GNAQ: variants seen among roughly 807,000 people sequenced by gnomAD.
GNAQ encodes the protein guanine nucleotide-binding protein G(q) subunit alpha.
Under a neutral mutation model 43.9 loss-of-function variants are expected in GNAQ, and 8 were observed. That is an observed-to-expected ratio of 0.18 (90% confidence interval 0.11 to 0.33). The LOEUF (loss-of-function observed/expected upper bound fraction) is 0.33, where lower values mean the gene tolerates loss of function less well. GNAQ is among the 10% of genes least tolerant of loss of function. GNAQ has a pLI of 1.00. For missense variants in GNAQ, 158 were observed against 450.8 expected, an observed-to-expected ratio of 0.35 and a Z score of 5.88; for synonymous variants, 155 against 170.7, an observed-to-expected ratio of 0.91 and a Z score of 0.71.
chr9:77,970,235 AC>A (rs1429718907), intron 1 of GNAQ, among the ~76,000 whole-genome samples: 1 of 150,788 alleles, frequency 6.6e-6, no homozygotes, highest in Admixed American at 6.6e-5. Context: ...AAAAAAAAAA[AC>A]AAACAAACAA....
At chr9:77,807,390 C>T (rs948908057) in intron 3 of GNAQ, among the ~76,000 whole-genome samples, 1 of 152,188 alleles carries the variant, frequency 6.6e-6, no homozygotes, top group Non-Finnish European at 1.5e-5. Context: ...GAAACCCTCT[C>T]ATCAGCTGCA....
chr9:77,984,689 T>G (rs1040053805), intron 1 of GNAQ, among the ~76,000 whole-genome samples: 3 of 152,130 alleles, frequency 2.0e-5, no homozygotes, highest in Non-Finnish European at 4.4e-5. Context: ...AACCTGCAGT[T>G]TTAAGAGAAG....
chr9:77,957,563 G>A (rs974543170), intron 1 of GNAQ, among the ~76,000 whole-genome samples: 1 of 152,138 alleles, frequency 6.6e-6, no homozygotes, highest in African/African-American at 2.4e-5. Context: ...AGAAAAGCAA[G>A]GGGAATTTGC....
chr9:77,855,393 T>C (rs1264250416), intron 2 of GNAQ, among the ~76,000 whole-genome samples: 1 of 152,150 alleles, frequency 6.6e-6, no homozygotes, highest in East Asian at 1.9e-4. Flanking sequence ...AAAGAACCTG[T>C]GGCTTCCTGG....
rs553088570 is a variant in GNAQ, at chr9:77,967,306, A to C, written c.137-44961T>G. 6.6e-5 allele frequency among the ~76,000 whole-genome samples: 10 copies of C among 152,222 alleles called. No individual in the cohort carries two copies. In the East Asian group the frequency reaches 1.7e-3, roughly 26 times the overall value. ...CAACTGTGGCCACTCCGTGCTTTTA[A>C]CATTATAAAATCACCTGCACAACTA... On this transcript the variant is annotated intron_variant, in intron 1 of 6. Transcript: ENST00000286548.
At chr9:77,733,238 C>A (rs909814455) in intron 5 of GNAQ, among the ~76,000 whole-genome samples, 1 of 152,144 alleles carries the variant, frequency 6.6e-6, no homozygotes, top group Non-Finnish European at 1.5e-5. Flanking sequence ...CCTGTTTGAG[C>A]CATCAGCAAA....
intron 5 of GNAQ, among the ~76,000 whole-genome samples, chr9:77,744,591 GC>G (rs1329907889): frequency 2.6e-5 from 4 of 152,100 alleles, no homozygotes; most frequent in Non-Finnish European, 4.4e-5. Flanking sequence ...AAATCATTGG[GC>G]TAGCTTTCCA....
chr9:77,839,156 A>G (rs116221839), intron 2 of GNAQ, among the ~76,000 whole-genome samples: 1,871 of 152,232 alleles, frequency 0.012, 36 homozygotes, highest in African/African-American at 0.041. Context: ...GTGAACAGCA[A>G]TATGTTGTTA....
At chr9:78,004,796 GCA>G (rs1355753168) in intron 1 of GNAQ, among the ~76,000 whole-genome samples, 1 of 152,062 alleles carries the variant, frequency 6.6e-6, no homozygotes, top group Non-Finnish European at 1.5e-5. Flanking sequence ...GGTAGGATTT[GCA>G]CAGAGAGCGA....
intron 2 of GNAQ, among the ~76,000 whole-genome samples, chr9:77,909,694 AAAAC>A (rs1377896439): frequency 3.7e-4 from 56 of 152,234 alleles, no homozygotes; most frequent in Admixed American, 1.4e-3. Context: ...AAAAAAAAAA[AAAAC>A]AACAACTGCA....
intron 1 of GNAQ, among the ~76,000 whole-genome samples, chr9:77,939,339 T>C (rs1829281551): frequency 6.6e-6 from 1 of 152,238 alleles, no homozygotes; most frequent in Admixed American, 6.5e-5. Flanking sequence ...GCCTTCAGTT[T>C]GATAAGAAAA....
At chr9:78,001,164 G>A (rs1823639171) in intron 1 of GNAQ, among the ~76,000 whole-genome samples, 1 of 152,090 alleles carries the variant, frequency 6.6e-6, no homozygotes, top group Admixed American at 6.6e-5. Flanking sequence ...CTGGGAGGTC[G>A]AGGCAGGCAG....
chr9:78,024,259 A>G (rs1450378416), intron 1 of GNAQ, among the ~76,000 whole-genome samples: 4 of 152,194 alleles, frequency 2.6e-5, no homozygotes, highest in African/African-American at 9.7e-5. Context: ...TCCATCTTTA[A>G]AACGGAATTC....
chr9:77,797,450 T>C (rs1475393943), intron 4 of GNAQ, 70 bp downstream of exon 4: 24 of 1,142,558 alleles, frequency 2.1e-5, no homozygotes, highest in African/African-American at 3.0e-5. Flanking sequence ...GATTCCAGTA[T>C]TTATAGAGTT....
intron 5 of GNAQ, among the ~76,000 whole-genome samples, chr9:77,765,621 G>A (rs1826123473): frequency 6.6e-6 from 1 of 152,226 alleles, no homozygotes; most frequent in Admixed American, 6.5e-5. Flanking sequence ...GTGTTGGCAA[G>A]GATGTAGAGA....
At chr9:77,751,127 G>GTGAT (rs1825804603) in intron 5 of GNAQ, among the ~76,000 whole-genome samples, 1 of 152,128 alleles carries the variant, frequency 6.6e-6, no homozygotes, top group Non-Finnish European at 1.5e-5. Context: ...GCAATTAAAG[G>GTGAT]TGATTACAAG....
At chr9:77,992,878 G>A (rs1014796687) in intron 1 of GNAQ, among the ~76,000 whole-genome samples, 3 of 152,152 alleles carry the variant, frequency 2.0e-5, no homozygotes, top group Admixed American at 1.3e-4. Flanking sequence ...CCGGGAGGTG[G>A]AGGTTGCAGC....
At chr9:77,879,709 C>G (rs1206128630) in intron 2 of GNAQ, among the ~76,000 whole-genome samples, 1 of 152,168 alleles carries the variant, frequency 6.6e-6, no homozygotes, top group Non-Finnish European at 1.5e-5. Flanking sequence ...ATACCTAATG[C>G]CTTTGCAAAG....
chr9:77,911,598 T>C (rs946922157), intron 2 of GNAQ, among the ~76,000 whole-genome samples: 2 of 152,096 alleles, frequency 1.3e-5, no homozygotes, highest in Non-Finnish European at 2.9e-5. Context: ...CTTGAGATCA[T>C]AAAACACAAA....
Sources: gnomAD v4.1 joint callset for allele counts (sites outside exome capture counted in the v4.1 genomes callset) on GRCh38, gnomAD v4.1.1 for gene constraint, MANE v1.5 for transcripts, NCBI Gene and HGNC (gene_info 2026-07-23, HGNC 2026-07-21) for gene names.